BNIPL: variants seen among roughly 807,000 people sequenced by gnomAD.
BNIPL encodes the protein bcl-2/adenovirus E1B 19 kDa-interacting protein 2-like protein.
BNIPL carries 33 observed loss-of-function variants against 47.0 expected under a neutral mutation model. That is an observed-to-expected ratio of 0.70 (90% CI 0.53 to 0.94). The LOEUF (loss-of-function observed/expected upper bound fraction) is 0.94, where lower values mean the gene tolerates loss of function less well. BNIPL is among the 40% of genes least tolerant of loss of function. The pLI is 0.00. For synonymous variants in BNIPL, 145 were observed against 162.7 expected, an observed-to-expected ratio of 0.89 and a Z score of 0.83; for missense variants, 404 against 445.2, an observed-to-expected ratio of 0.91 and a Z score of 0.83.
chr1:151,038,641 T>C (rs1322584336), intron 3 of BNIPL, 73 bp downstream of exon 3: 4 of 1,592,842 alleles, frequency 2.5e-6, no homozygotes, highest in Non-Finnish European at 2.6e-6. Context: ...CTCTATCCTT[T>C]TACAGTTCCA....
Position 151,045,865 on chromosome 1 carries a change from T to C in BNIPL, c.920T>C (p.Leu307Pro), listed in dbSNP as rs587663449. The part of the protein sequence containing the change: ...ATWYVKAFLA[L>P]LRPFISSKFT... ...TGGTATGTGAAAGCATTTCTGGCAC[T>C]GCTTCGGCCCTTCATCAGGTACTAG... The change falls in exon 8 of 10, where the codon CTG (leucine) becomes CCG (proline). Residue 307 changes from leucine (L) to proline (P), a missense_variant. By Grantham distance (98) the Leu-to-Pro change is moderately conservative (BLOSUM62 -3). Coordinates refer to ENST00000368931, the MANE Select transcript of BNIPL (RefSeq NM_138278.4). The C allele has an allele frequency of 6.2e-7, 1 of 1,614,220 alleles. No individual in the cohort carries two copies. Among genetic ancestry groups the C allele is most frequent in the Admixed American group, 1.7e-5 (1 of 60,026 alleles).
Position 151,043,631 on chromosome 1 carries a change from A to C in BNIPL, c.755A>C (p.Glu252Ala), listed in dbSNP as rs1675909655. 6.2e-7 allele frequency: 1 copy of C among 1,611,828 alleles called. No homozygotes were observed. Among genetic ancestry groups the C allele is most frequent in the Non-Finnish European group, 8.5e-7 (1 of 1,178,064 alleles). Reference sequence around the variant, plus strand: ...GGAACTCTGGAGCTGCTAGTAGCTGAAAATTACCTGCTTGTTCATTTGAGT... The same window carrying C: ...GGAACTCTGGAGCTGCTAGTAGCTGCAAATTACCTGCTTGTTCATTTGAGT... Reference protein sequence around the residue: ...MVGTLELLVAENYLLVHLSGG... With the variant: ...MVGTLELLVAANYLLVHLSGG... The change falls in exon 7 of 10, where the codon GAA becomes GCA. Residue 252 changes from glutamate (E) to alanine (A), a missense_variant. By Grantham distance (107) the Glu-to-Ala change is moderately radical. Transcript: ENST00000368931.
Position 151,047,518 on chromosome 1 carries a change from A to G in BNIPL, c.*831A>G, listed in dbSNP as rs1276135504. On this transcript the variant is annotated 3_prime_UTR_variant, in exon 10 of 10. Coordinates refer to ENST00000368931, the MANE Select transcript of BNIPL (RefSeq NM_138278.4). ...GAGCCTGGGAAGGAGTGCTTTCAAAACCTGTATTTTTGCCCTCTTTAGTAA... is the reference window on the plus strand; with the variant it reads ...GAGCCTGGGAAGGAGTGCTTTCAAAGCCTGTATTTTTGCCCTCTTTAGTAA... 1 of 294,236 alleles carries G rather than the reference A, an allele frequency of 3.4e-6. No individual in the cohort carries two copies. The highest frequency in any genetic ancestry group is 2.2e-5 in the African/African-American group (1 of 45,456). The allele number at this position is 294,236 out of a possible 1,614,324, so 18.2% of individuals were successfully genotyped here. A position where few individuals can be genotyped will look rare whatever the true frequency, so the allele number is the denominator to read the frequency against.
Position 151,038,816 on chromosome 1 carries a change from T to A in BNIPL, c.223T>A (p.Leu75Ile). The change falls in exon 4 of 10, where the codon TTA (leucine) becomes ATA (isoleucine). Residue 75 changes from leucine (L) to isoleucine (I), a missense_variant. Physicochemically the swap from Leu to Ile is conservative, Grantham distance 5. Coordinates refer to ENST00000368931, the MANE Select transcript of BNIPL (RefSeq NM_138278.4). ...TCCAGCTGCAGGTACCCCCAGCACTTTAGCCCTGTGTGGCCAGCGCCCCAT... is the reference window on the plus strand; with the variant it reads ...TCCAGCTGCAGGTACCCCCAGCACTATAGCCCTGTGTGGCCAGCGCCCCAT... ...SQAAAGTPSTLALCGQRPMRK... is the reference protein window; with the variant it reads ...SQAAAGTPSTIALCGQRPMRK... 6.2e-7 allele frequency: 1 copy of A among 1,603,742 alleles called. No homozygotes were observed. Among genetic ancestry groups the A allele is most frequent in the Admixed American group, 1.7e-5 (1 of 58,602 alleles).
intron 4 of BNIPL, among the ~76,000 whole-genome samples, chr1:151,040,289 C>T (rs587771534): frequency 1.3e-5 from 2 of 152,228 alleles, no homozygotes; most frequent in East Asian, 3.9e-4. Context: ...AAGCAATCCT[C>T]CTGCCTCAGC....
Position 151,038,893 on chromosome 1 carries a change from T to C in BNIPL, c.300T>C (p.Pro100=), listed in dbSNP as rs776637951. ...PELRLSLTKG[P]GNDGASPTQS... ...TGCGGCTGAGTCTGACTAAGGGGCC[T>C]GGAAATGATGGAGCTTCACCCACCC... Residue 100 remains proline (P), a synonymous_variant, in exon 4 of 10, where the codon CCT becomes CCC. Transcript: ENST00000368931. 5.0e-6 allele frequency: 8 copies of C among 1,614,062 alleles called. No individual in the cohort carries two copies. The highest frequency in any genetic ancestry group is 6.8e-6 in the Non-Finnish European group (8 of 1,179,966).
intron 3 of BNIPL, 42 bp from the exon 4 acceptor site, chr1:151,038,752 AAC>A: frequency 6.4e-7 from 1 of 1,556,176 alleles, no homozygotes; most frequent in Non-Finnish European, 8.7e-7. Flanking sequence ...TCGGCTCTCC[AAC>A]ACACACACCC....
rs763414136 is a variant in BNIPL at position 151,043,364 on chromosome 1, C to G, written c.649C>G (p.Leu217Val). Reference protein sequence around the residue: ...YHGDGLNAVILFASCYLPRSS... With the variant: ...YHGDGLNAVIVFASCYLPRSS... The stretch of plus-strand genomic sequence containing the variant: ...CGGTGATGGCCTCAATGCTGTCATC[C>G]TTTTTGCTTCCTGTTATCTACCCAG... The change falls in exon 6 of 10, where the codon CTT becomes GTT. Residue 217 changes from leucine to valine, a missense_variant. Leu to Val is a conservative substitution (Grantham distance 32, BLOSUM62 1). Transcript: ENST00000368931. 1 of 1,611,886 alleles carries G rather than the reference C, an allele frequency of 6.2e-7. No homozygotes were observed. The highest frequency in any genetic ancestry group is 8.5e-7 in the Non-Finnish European group (1 of 1,177,928).
Position 151,043,426 on chromosome 1 carries a change from C to A in BNIPL, c.711C>A (p.His237Gln), listed in dbSNP as rs1558101956. The change falls in exon 6 of 10, where the codon CAC (histidine) becomes CAA (glutamine). Residue 237 changes from histidine (H) to glutamine (Q), a missense_variant. By Grantham distance (24) the His-to-Gln change is conservative. Coordinates refer to ENST00000368931, the MANE Select transcript of BNIPL (RefSeq NM_138278.4). ...SIPNYTYVMEHLFRYMVGTLE... is the reference protein window; with the variant it reads ...SIPNYTYVMEQLFRYMVGTLE... The stretch of plus-strand genomic sequence containing the variant: ...CCAACTACACCTATGTCATGGAACA[C>A]TTGTTTAGGTGAGGTGGAAGGCCTG... The A allele has an allele frequency of 1.2e-6, 2 of 1,600,944 alleles. No individual in the cohort carries two copies. The highest frequency in any genetic ancestry group is 2.2e-5 in the East Asian group (1 of 44,812).
chr1:151,036,767 G>C lies in BNIPL; in HGVS notation c.41+1G>C. On this transcript the variant is annotated splice_donor_variant, in intron 1 of 9. Transcript: ENST00000368931. LOFTEE classifies it high-confidence loss of function. The stretch of plus-strand genomic sequence containing the variant: ...AGGCAGGAAAAAAGACAGATGTTGG[G>C]TAAGTAAGATCTTGGCTCACTTGAT... The C allele has an allele frequency of 6.2e-7, 1 of 1,607,972 alleles. No homozygotes were observed. Among genetic ancestry groups the C allele is most frequent in the Non-Finnish European group, 8.5e-7 (1 of 1,174,440 alleles).
At chr1:151,045,337 C>T (rs1362954225) in intron 7 of BNIPL, among the ~76,000 whole-genome samples, 15 of 147,602 alleles carry the variant, frequency 1.0e-4, no homozygotes, top group Non-Finnish European at 2.1e-4. Flanking sequence ...TTTGGGAGGC[C>T]GAGGCGGGCA....
rs138679997 is a variant in BNIPL at position 151,038,843 on chromosome 1, C to T, written c.250C>T (p.Arg84Cys). 78 of 1,612,558 alleles carry T rather than the reference C, an allele frequency of 4.8e-5. No homozygotes were observed. The highest frequency in any genetic ancestry group is 5.9e-5 in the Non-Finnish European group (69 of 1,179,236). Residue 84 changes from arginine to cysteine, a missense_variant, in exon 4 of 10, where the codon CGC becomes TGC. Coordinates refer to ENST00000368931, the MANE Select transcript of BNIPL (RefSeq NM_138278.4). ...TLALCGQRPM[R>C]KRLSAPELRL... is the part of the protein sequence containing the mutation. ...AGCCCTGTGTGGCCAGCGCCCCATG[C>T]GCAAGCGTCTTTCTGCCCCAGAGTT...
Position 151,046,765 on chromosome 1 carries a change from TGTA to T in BNIPL, c.*79_*81del. 1 of 1,279,478 alleles carries T rather than the reference TGTA, an allele frequency of 7.8e-7. No individual in the cohort carries two copies. The highest frequency in any genetic ancestry group is 1.1e-6 in the Non-Finnish European group (1 of 902,810). 79.3% of individuals were successfully genotyped at this position (1,279,478 alleles called of 1,614,324 possible). ...AATCCCTGAAACATCTGAACTGTTTTGTAAATCATCTTATCCCCAACCTCAGTA... is the reference window on the plus strand; with the variant it reads ...AATCCCTGAAACATCTGAACTGTTTTAATCATCTTATCCCCAACCTCAGTA... On this transcript the variant is annotated 3_prime_UTR_variant, in exon 10 of 10. Transcript: ENST00000368931.
At chr1:151,046,353 GAATA>G (rs1287188812) in intron 9 of BNIPL, among the ~76,000 whole-genome samples, 188 bp downstream of exon 9, 9 of 129,338 alleles carry the variant, frequency 7.0e-5, no homozygotes, top group South Asian at 2.4e-4. Flanking sequence ...CATCCAACAA[GAATA>G]AATGAAAAAA....
At chr1:151,043,262 A>G (rs1675893790) in intron 5 of BNIPL, 70 bp from the exon 6 acceptor site, 3 of 1,517,272 alleles carry the variant, frequency 2.0e-6, no homozygotes, top group African/African-American at 1.4e-5. Context: ...GAGTCCCTCA[A>G]CTTAAACAGA....
chr1:151,045,628 G>A, intron 7 of BNIPL, 169 bp from the exon 8 acceptor site: 1 of 1,183,480 alleles, frequency 8.4e-7, no homozygotes, highest in Non-Finnish European at 1.1e-6. Flanking sequence ...TAAATAAGAT[G>A]GGTGGAGCTG....
intron 7 of BNIPL, 175 bp from the exon 8 acceptor site, chr1:151,045,622 T>C: frequency 9.4e-7 from 1 of 1,067,652 alleles, no homozygotes; most frequent in South Asian, 2.1e-5. Context: ...GAGGGCTAAA[T>C]AAGATGGGTG....
chr1:151,045,893 C>G lies in BNIPL; in HGVS notation c.938+10C>G, dbSNP rs1571844730. 1.9e-6 allele frequency: 3 copies of G among 1,614,110 alleles called. No homozygotes were observed. Among genetic ancestry groups the G allele is most frequent in the Non-Finnish European group, 1.7e-6 (2 of 1,180,020 alleles). ...TTCGGCCCTTCATCAGGTACTAGTT[C>G]TAGGAACAAGGACTCCTTTCTCCTT... On this transcript the variant is annotated intron_variant, in intron 8 of 9. Coordinates refer to ENST00000368931, the MANE Select transcript of BNIPL (RefSeq NM_138278.4).
chr1:151,045,718 C>T (rs1675995698), intron 7 of BNIPL, 79 bp from the exon 8 acceptor site: 30 of 1,604,578 alleles, frequency 1.9e-5, no homozygotes. Flanking sequence ...AAGGAAGTTA[C>T]AGTACAGAAA....
Sources: allele counts gnomAD v4.1 joint callset (sites outside exome capture counted in the v4.1 genomes callset), GRCh38; gene constraint gnomAD v4.1.1; transcripts MANE v1.5; gene names NCBI Gene and HGNC (gene_info 2026-07-23, HGNC 2026-07-21).